Variants in GPC5 observed in about 807,000 individuals in gnomAD.
GPC5 encodes the protein glypican 5.
In GPC5, 47 loss-of-function variants were observed where a neutral mutation model predicts 53.9. The ratio of observed to expected loss-of-function variants is 0.87; its 90% CI spans 0.69 to 1.11. GPC5 has a LOEUF of 1.11. Ranked by LOEUF, GPC5 falls within the 50% of genes most tolerant of loss-of-function variation. The pLI is 0.00. For missense variants in GPC5, 748 were observed against 713.1 expected, an observed-to-expected ratio of 1.05 and a Z score of -0.56; for synonymous variants, 286 against 263.3, an observed-to-expected ratio of 1.09 and a Z score of -0.84.
intron 7 of GPC5, among the ~76,000 whole-genome samples, chr13:92,526,338 T>C (rs957027984): frequency 2.0e-5 from 3 of 152,100 alleles, no homozygotes; most frequent in Non-Finnish European, 4.4e-5. Context: ...TTTCATAACC[T>C]GAGGTCAGAG....
intron 5 of GPC5, among the ~76,000 whole-genome samples, chr13:91,794,050 G>A (rs1436244272): frequency 6.6e-6 from 1 of 152,144 alleles, no homozygotes; most frequent in Non-Finnish European, 1.5e-5. Context: ...AGTATCTATT[G>A]TATTCCAGTG....
intron 6 of GPC5, among the ~76,000 whole-genome samples, chr13:92,044,994 T>A (rs2040970308): frequency 1.3e-5 from 2 of 152,294 alleles, no homozygotes; most frequent in South Asian, 4.1e-4. Flanking sequence ...TCTGAACCTA[T>A]TTGGAAATAT....
intron 4 of GPC5, among the ~76,000 whole-genome samples, chr13:91,739,867 G>A (rs1271088010): frequency 6.6e-6 from 1 of 151,374 alleles, no homozygotes; most frequent in Non-Finnish European, 1.5e-5. Context: ...GAGTTATCAT[G>A]GAGACTGGCT....
chr13:92,557,242 G>T (rs1304149372), intron 7 of GPC5, among the ~76,000 whole-genome samples: 1 of 151,822 alleles, frequency 6.6e-6, no homozygotes, highest in Non-Finnish European at 1.5e-5. Flanking sequence ...ATCAGTGATA[G>T]CATCAACATT....
intron 6 of GPC5, among the ~76,000 whole-genome samples, chr13:92,064,759 A>AAAAAAAAAAAAAAAAAAAAAAAAC (rs1566419687): frequency 3.5e-5 from 1 of 28,442 alleles, no homozygotes; most frequent in African/African-American, 1.3e-4. Flanking sequence ...TCCGTCTCAA[A>AAAAAAAAAAAAAAAAAAAAAAAAC]AAAAAAAAAC....
At chr13:92,530,204 G>A (rs1881506441) in intron 7 of GPC5, among the ~76,000 whole-genome samples, 1 of 60,570 alleles carries the variant, frequency 1.7e-5, no homozygotes, top group Non-Finnish European at 3.2e-5. Context: ...ACTGGGATGT[G>A]AGCTATTATA....
intron 5 of GPC5, among the ~76,000 whole-genome samples, chr13:91,898,290 A>T (rs536803653): frequency 6.6e-6 from 1 of 152,340 alleles, no homozygotes; most frequent in Admixed American, 6.5e-5. Flanking sequence ...AAGAGTTTAG[A>T]GTTACCAAAA....
At chr13:91,907,810 C>G (rs2039570426) in intron 5 of GPC5, 127 bp from the exon 6 acceptor site, 1 of 873,558 alleles carries the variant, frequency 1.1e-6, no homozygotes, top group Non-Finnish European at 1.7e-6. Flanking sequence ...AGTTTCTGTT[C>G]CAAGAGAAAA....
At chr13:91,776,028 T>C (rs2037706130) in intron 5 of GPC5, among the ~76,000 whole-genome samples, 1 of 152,198 alleles carries the variant, frequency 6.6e-6, no homozygotes, top group Admixed American at 6.5e-5. Context: ...ATCTGGTCAG[T>C]AGAAATATGG....
At chr13:91,622,591 C>T (rs757885543) in intron 2 of GPC5, among the ~76,000 whole-genome samples, 2 of 151,964 alleles carry the variant, frequency 1.3e-5, no homozygotes, top group Non-Finnish European at 2.9e-5. Flanking sequence ...GACAAAAATC[C>T]TCTCTAGCCT....
chr13:92,361,150 C>G (rs187894007), intron 7 of GPC5, among the ~76,000 whole-genome samples: 44 of 151,702 alleles, frequency 2.9e-4, no homozygotes, highest in Non-Finnish European at 4.9e-4. Flanking sequence ...TGGAAATATT[C>G]TTAATTTTTA....
At chr13:92,809,338 A>G (rs1877210812) in intron 7 of GPC5, among the ~76,000 whole-genome samples, 1 of 152,214 alleles carries the variant, frequency 6.6e-6, no homozygotes, top group Non-Finnish European at 1.5e-5. Flanking sequence ...GTTCAAACAT[A>G]CTGCAATCGC....
intron 2 of GPC5, among the ~76,000 whole-genome samples, chr13:91,520,831 G>C (rs759101352): frequency 6.6e-5 from 10 of 151,990 alleles, no homozygotes; most frequent in Middle Eastern, 3.4e-3. Context: ...GTCAACACTT[G>C]CTAAACTAGA....
At chr13:91,670,531 C>T (rs2035220033) in intron 2 of GPC5, among the ~76,000 whole-genome samples, 1 of 152,066 alleles carries the variant, frequency 6.6e-6, no homozygotes, top group African/African-American at 2.4e-5. Flanking sequence ...CAAAATCTTA[C>T]CACAGAAAGA....
chr13:92,108,295 T>G (rs1038817912), intron 6 of GPC5, among the ~76,000 whole-genome samples: 3 of 152,224 alleles, frequency 2.0e-5, no homozygotes, highest in Non-Finnish European at 4.4e-5. Flanking sequence ...CTTAGAGGAC[T>G]TATGATTTTC....
At chr13:91,959,094 ACACACAC>A (rs2040102240) in intron 6 of GPC5, among the ~76,000 whole-genome samples, 2 of 145,246 alleles carry the variant, frequency 1.4e-5, no homozygotes, top group African/African-American at 4.9e-5. Flanking sequence ...ACACACACAC[ACACACAC>A]ATCAATGATG....
intron 7 of GPC5, among the ~76,000 whole-genome samples, chr13:92,760,668 G>A (rs992372066): frequency 6.7e-6 from 1 of 149,884 alleles, no homozygotes; most frequent in African/African-American, 2.5e-5. Flanking sequence ...CTTTTGTTTC[G>A]ATTTTTATTA....
chr13:91,419,196 G>T (rs1412817914), intron 1 of GPC5, among the ~76,000 whole-genome samples: 1 of 151,992 alleles, frequency 6.6e-6, no homozygotes, highest in Non-Finnish European at 1.5e-5. Context: ...GTTAGCTATA[G>T]CTTTCTATTT....
At chr13:91,558,358 G>A (rs551172226) in intron 2 of GPC5, among the ~76,000 whole-genome samples, 1 of 152,100 alleles carries the variant, frequency 6.6e-6, no homozygotes, top group East Asian at 1.9e-4. Flanking sequence ...TGTTATCACC[G>A]GGAAAGGGAA....
Sources: allele counts gnomAD v4.1 joint callset (sites outside exome capture counted in the v4.1 genomes callset), GRCh38; gene constraint gnomAD v4.1.1; transcripts MANE v1.5; gene names NCBI Gene and HGNC (gene_info 2026-07-23, HGNC 2026-07-21).